The following METTL16 variants were observed in gnomAD, a reference collection of about 807,000 sequenced individuals.
The protein encoded by METTL16 is methyltransferase 16, RNA N6-adenosine.
A neutral mutation model predicts 57.9 loss-of-function variants in METTL16; 19 were observed. The ratio of observed to expected loss-of-function variants is 0.33; its 90% CI spans 0.23 to 0.48. The LOEUF is 0.48. Ranked by LOEUF, METTL16 falls within the 20% of genes least tolerant of loss-of-function variation. METTL16 has a pLI of 0.99. For missense variants in METTL16, 434 were observed against 691.5 expected (o/e 0.63, Z 4.18); for synonymous variants, 246 against 255.6 (o/e 0.96, Z 0.36).
intron 2 of METTL16, among the ~76,000 whole-genome samples, chr17:2,488,715 AAGT>A (rs1260681082): frequency 3.3e-5 from 5 of 152,254 alleles, no homozygotes; most frequent in Non-Finnish European, 7.3e-5. Flanking sequence ...AAGGTATCTA[AAGT>A]AGTCTAACTC....
chr17:2,507,824 T>TA (rs916892877), intron 1 of METTL16, among the ~76,000 whole-genome samples: 4 of 152,224 alleles, frequency 2.6e-5, no homozygotes, highest in Non-Finnish European at 5.9e-5. Flanking sequence ...TCTGTGACCT[T>TA]ACCCCCAACC....
chr17:2,502,431 G>C, intron 1 of METTL16, 100 bp from the exon 2 acceptor site: 1 of 1,133,344 alleles, frequency 8.8e-7, no homozygotes, highest in African/African-American at 1.5e-5. Flanking sequence ...AGTACTTTGG[G>C]AGGCCAAGGT....
chr17:2,481,931 G>C (rs1382180758), intron 2 of METTL16, among the ~76,000 whole-genome samples: 2 of 152,106 alleles, frequency 1.3e-5, no homozygotes, highest in African/African-American at 4.8e-5. Flanking sequence ...GACGCAGTAG[G>C]GTACATGAGG....
intron 8 of METTL16, among the ~76,000 whole-genome samples, chr17:2,428,894 T>C (rs1048564701): frequency 2.6e-5 from 4 of 152,154 alleles, no homozygotes; most frequent in African/African-American, 7.2e-5. Flanking sequence ...GTTTTGCTCT[T>C]GTTGCCCAGG....
chr17:2,485,752 A>C (rs1439238606), intron 2 of METTL16, among the ~76,000 whole-genome samples: 1 of 152,186 alleles, frequency 6.6e-6, no homozygotes, highest in Non-Finnish European at 1.5e-5. Context: ...GTAAGCAAAC[A>C]CAGACAATCC....
Position 2,419,940 on chromosome 17 carries a change from T to A in METTL16, c.*30A>T, listed in dbSNP as rs2066747725. On this transcript the variant is annotated 3_prime_UTR_variant, in exon 10 of 10. Transcript: ENST00000263092. ...CAGGCCACTCCAAAGCAAGTTACTA[T>A]CAACACGTTTCCAACTGTGCAGGAG... 1.2e-6 allele frequency: 2 copies of A among 1,608,744 alleles called. No homozygotes were observed. Among genetic ancestry groups the A allele is most frequent in the Admixed American group, 3.3e-5 (2 of 59,806 alleles).
chr17:2,427,801 T>G (rs1013011952), intron 8 of METTL16, among the ~76,000 whole-genome samples: 1 of 151,804 alleles, frequency 6.6e-6, no homozygotes, highest in African/African-American at 2.4e-5. Context: ...AACCCACAGA[T>G]GTGAAGCTGA....
At chr17:2,462,854 A>G (rs975306595) in intron 6 of METTL16, among the ~76,000 whole-genome samples, 2 of 152,188 alleles carry the variant, frequency 1.3e-5, no homozygotes, top group Admixed American at 1.3e-4. Context: ...ATTTTATGTT[A>G]CGTGTATTTA....
chr17:2,481,523 G>T (rs564801003), intron 2 of METTL16, among the ~76,000 whole-genome samples: 5 of 152,108 alleles, frequency 3.3e-5, no homozygotes, highest in Admixed American at 2.6e-4. Flanking sequence ...GAGTGGCCAT[G>T]GTTGTACACG....
At chr17:2,504,166 G>A (rs1307267128) in intron 1 of METTL16, among the ~76,000 whole-genome samples, 3 of 152,102 alleles carry the variant, frequency 2.0e-5, no homozygotes, top group African/African-American at 7.2e-5. Context: ...ACCCAGTAGA[G>A]GTAAATTTAT....
intron 2 of METTL16, among the ~76,000 whole-genome samples, chr17:2,481,995 TGA>T: frequency 6.6e-6 from 1 of 152,100 alleles, no homozygotes; most frequent in East Asian, 1.9e-4. Flanking sequence ...AAAAGAACAG[TGA>T]CTACAAAGCC....
intron 6 of METTL16, among the ~76,000 whole-genome samples, chr17:2,443,717 T>C (rs1178082046): frequency 2.0e-5 from 3 of 152,132 alleles, no homozygotes; most frequent in Non-Finnish European, 4.4e-5. Flanking sequence ...GCCAGGATGG[T>C]CTCGATCTCC....
intron 6 of METTL16, among the ~76,000 whole-genome samples, chr17:2,463,565 G>A (rs563802674): frequency 2.0e-4 from 30 of 152,004 alleles, no homozygotes; most frequent in African/African-American, 6.0e-4. Context: ...GGGTTCAAGC[G>A]ATTCTCCTGC....
intron 6 of METTL16, among the ~76,000 whole-genome samples, chr17:2,456,942 C>T (rs1597453157): frequency 1.3e-5 from 2 of 151,488 alleles, no homozygotes; most frequent in African/African-American, 2.4e-5. Flanking sequence ...CGCATGCACC[C>T]GGCCTTTTTT....
At chr17:2,433,626 C>T (rs2066890106) in intron 8 of METTL16, among the ~76,000 whole-genome samples, 1 of 152,154 alleles carries the variant, frequency 6.6e-6, no homozygotes, top group Admixed American at 6.5e-5. Context: ...TTGGAGCCTG[C>T]AGTAGACGTA....
chr17:2,423,589 C>T (rs911681170), intron 8 of METTL16, among the ~76,000 whole-genome samples: 3 of 152,018 alleles, frequency 2.0e-5, no homozygotes, highest in African/African-American at 4.8e-5. Flanking sequence ...CCCCATTCCC[C>T]GTCCCAACAT....
intron 7 of METTL16, among the ~76,000 whole-genome samples, chr17:2,439,729 C>T (rs1037658056): frequency 2.0e-5 from 3 of 152,110 alleles, no homozygotes; most frequent in Non-Finnish European, 4.4e-5. Flanking sequence ...ATTCTACTCA[C>T]CCTGTTTTTC....
intron 2 of METTL16, among the ~76,000 whole-genome samples, chr17:2,482,741 T>C (rs1209082938): frequency 1.3e-5 from 2 of 152,142 alleles, no homozygotes; most frequent in East Asian, 3.9e-4. Context: ...AGCCCGTCTC[T>C]ACAAATAGTA....
intron 6 of METTL16, among the ~76,000 whole-genome samples, chr17:2,444,157 G>A (rs1386343236): frequency 6.6e-6 from 1 of 152,056 alleles, no homozygotes; most frequent in Non-Finnish European, 1.5e-5. Context: ...TACAACAGGG[G>A]GTCCCATAAG....
Sources: allele counts gnomAD v4.1 joint callset (sites outside exome capture counted in the v4.1 genomes callset), GRCh38; gene constraint gnomAD v4.1.1; transcripts MANE v1.5; gene names NCBI Gene and HGNC (gene_info 2026-07-23, HGNC 2026-07-21).